Variants in TNS1 observed in about 807,000 individuals in gnomAD.
TNS1 encodes tensin 1.
TNS1 carries 62 observed loss-of-function variants against 168.6 expected under a neutral mutation model. The observed-to-expected ratio is 0.37, with a 90% CI of 0.30 to 0.45. The LOEUF (loss-of-function observed/expected upper bound fraction) is 0.45, where lower values mean the gene tolerates loss of function less well. Ranked by LOEUF, TNS1 falls within the 20% of genes least tolerant of loss-of-function variation. The probability of loss-of-function intolerance (pLI) is 1.00; values close to 1 mark genes in which losing one functional copy is unlikely to be tolerated. For synonymous variants in TNS1, 934 were observed against 933.2 expected (o/e 1.00, Z -0.02); for missense variants, 2,240 against 2,339.4 (o/e 0.96, Z 0.88).
At chr2:217,954,070 G>A (rs931999643) in intron 3 of TNS1, among the ~76,000 whole-genome samples, 9 of 152,236 alleles carry the variant, frequency 5.9e-5, no homozygotes, top group African/African-American at 1.9e-4. Flanking sequence ...TGGGCCATCT[G>A]CAGAAGCTGG....
intron 1 of TNS1, among the ~76,000 whole-genome samples, chr2:218,022,732 C>T (rs1263321174): frequency 2.0e-5 from 3 of 148,092 alleles, no homozygotes; most frequent in Non-Finnish European, 4.4e-5. Flanking sequence ...AGGCCATTCT[C>T]ACAGCCCAGA....
intron 7 of TNS1, among the ~76,000 whole-genome samples, chr2:217,899,320 T>C (rs1952676537): frequency 6.6e-6 from 1 of 152,176 alleles, no homozygotes; most frequent in African/African-American, 2.4e-5. Context: ...CTTGTCCCTA[T>C]GGAAAGCTTC....
At chr2:218,014,154 T>C (rs1247568965), upstream of TNS1, among the ~76,000 whole-genome samples, 1 of 152,134 alleles carries the variant, frequency 6.6e-6, no homozygotes, top group Non-Finnish European at 1.5e-5. Flanking sequence ...CAAAGGCAGC[T>C]CCTGTTAGGG....
rs775049558 is a variant in TNS1, at chr2:217,818,520, C to T, written c.3812G>A (p.Ser1271Asn). ...AGGCACCGTGTGGACGCCAGCCACACTGAACTGAGCTCGAGCCTGGCTTTC... is the reference window on the plus strand; with the variant it reads ...AGGCACCGTGTGGACGCCAGCCACATTGAACTGAGCTCGAGCCTGGCTTTC... The part of the protein sequence containing the change: ...SPESQARAQF[S>N]VAGVHTVPGS... The change falls in exon 24 of 33, where the codon AGT (serine) becomes AAT (asparagine). Residue 1271 changes from serine (S) to asparagine (N), a missense_variant. By Grantham distance (46) the Ser-to-Asn change is conservative. This residue lies in a region of TNS1 where 2,131 missense variants were observed against 2,171.2 expected (regional missense o/e 0.98). Transcript: ENST00000682258. 13 of 1,614,248 alleles carry T rather than the reference C, an allele frequency of 8.1e-6. No homozygotes were observed. The highest frequency in any genetic ancestry group is 1.1e-5 in the Non-Finnish European group (13 of 1,180,050).
chr2:217,904,802 C>T (rs1953461201), intron 6 of TNS1, among the ~76,000 whole-genome samples: 1 of 152,234 alleles, frequency 6.6e-6, no homozygotes, highest in African/African-American at 2.4e-5. Context: ...CCATCTGGCC[C>T]AGACTGGGGA....
chr2:217,988,806 G>T (rs1276458094), intron 2 of TNS1, among the ~76,000 whole-genome samples: 1 of 152,200 alleles, frequency 6.6e-6, no homozygotes, highest in Non-Finnish European at 1.5e-5. Flanking sequence ...ACTCCTGGGT[G>T]CCTTGACAAG....
At chr2:217,927,637 G>T (rs115352052) in intron 3 of TNS1, among the ~76,000 whole-genome samples, 2,116 of 152,190 alleles carry the variant, frequency 0.014, 40 homozygotes, top group African/African-American at 0.045. Context: ...GAGACAAGAG[G>T]CCATCAGGCA....
chr2:218,018,880 C>T (rs1559413176), intron 1 of TNS1, among the ~76,000 whole-genome samples: 1 of 152,124 alleles, frequency 6.6e-6, no homozygotes, highest in Non-Finnish European at 1.5e-5. Flanking sequence ...AATTTGAGAC[C>T]AGCCTTGCCC....
chr2:218,007,853 C>G (rs919166162), upstream of TNS1, among the ~76,000 whole-genome samples: 1 of 152,178 alleles, frequency 6.6e-6, no homozygotes, highest in Non-Finnish European at 1.5e-5. Flanking sequence ...CAAGTCCCAT[C>G]CATGCCCTAC....
intron 3 of TNS1, among the ~76,000 whole-genome samples, chr2:217,976,072 C>G (rs2126040635): frequency 6.6e-6 from 1 of 152,294 alleles, no homozygotes; most frequent in African/African-American, 2.4e-5. Flanking sequence ...CATCTGGGTC[C>G]CACCTCACAT....
chr2:217,884,308 C>A (rs1950981695), intron 16 of TNS1, among the ~76,000 whole-genome samples: 1 of 151,068 alleles, frequency 6.6e-6, no homozygotes, highest in Admixed American at 6.6e-5. Context: ...GATGGATGGA[C>A]AGACGGATGG....
At chr2:217,844,146 A>G (rs554518089) in intron 19 of TNS1, among the ~76,000 whole-genome samples, 1 of 152,080 alleles carries the variant, frequency 6.6e-6, no homozygotes. Flanking sequence ...CAATCAACAC[A>G]TAAGTGCATT....
chr2:217,990,670 C>T (rs1958342831), intron 2 of TNS1, among the ~76,000 whole-genome samples: 1 of 152,238 alleles, frequency 6.6e-6, no homozygotes, highest in African/African-American at 2.4e-5. Context: ...CTTCTTCATG[C>T]CACCCGCATG....
intron 2 of TNS1, 198 bp from the exon 3 acceptor site, chr2:217,979,000 G>A: frequency 1.8e-6 from 1 of 547,202 alleles, no homozygotes; most frequent in Non-Finnish European, 3.3e-6. Flanking sequence ...GGAGTGCCCG[G>A]GACTGAGGAC....
chr2:217,920,321 C>T (rs1299344498), intron 3 of TNS1, 85 bp from the exon 4 acceptor site: 4 of 699,224 alleles, frequency 5.7e-6, no homozygotes, highest in South Asian at 3.0e-5. Flanking sequence ...CCACACCTCC[C>T]CCTGCTTCAT....
upstream of TNS1, among the ~76,000 whole-genome samples, chr2:218,003,711 C>T (rs1200014645): frequency 6.6e-6 from 1 of 151,964 alleles, no homozygotes; most frequent in African/African-American, 2.4e-5. Context: ...CCGCTCCAGG[C>T]TCCCGCGAGA....
At chr2:217,897,177 C>G (rs184696065) in intron 8 of TNS1, among the ~76,000 whole-genome samples, 64 of 152,302 alleles carry the variant, frequency 4.2e-4, no homozygotes, top group Non-Finnish European at 8.7e-4. Context: ...TGGACCTGAG[C>G]CCTCCTCTGG....
upstream of TNS1, among the ~76,000 whole-genome samples, chr2:218,007,566 T>TGGG (rs71064407): frequency 2.7e-5 from 2 of 74,976 alleles, no homozygotes; most frequent in East Asian, 3.5e-4. Flanking sequence ...GCTCGGGGGG[T>TGGG]GGGGGGGGGG....
At chr2:217,930,542 G>A (rs1956266991) in intron 3 of TNS1, among the ~76,000 whole-genome samples, 1 of 152,228 alleles carries the variant, frequency 6.6e-6, no homozygotes, top group Non-Finnish European at 1.5e-5. Context: ...GGACCCTGGA[G>A]TGGCCTCATG....
Sources: allele counts gnomAD v4.1 joint callset (sites outside exome capture counted in the v4.1 genomes callset), GRCh38; gene constraint gnomAD v4.1.1; regional missense constraint gnomAD v4.1.1; transcripts MANE v1.5; gene names NCBI Gene and HGNC (gene_info 2026-07-23, HGNC 2026-07-21).